SLC38A6: variants seen among roughly 807,000 people sequenced by gnomAD.
The protein encoded by SLC38A6 is N system amino acid transporter NAT-1.
Under a neutral mutation model 65.0 loss-of-function variants are expected in SLC38A6, and 73 were observed. The observed-to-expected ratio is 1.12, with a 90% CI of 0.93 to 1.37. SLC38A6 has a LOEUF of 1.37. SLC38A6 is among the 40% of genes most tolerant of loss of function. SLC38A6 has a pLI of 0.00. For synonymous variants in SLC38A6, 183 were observed against 178.8 expected (o/e 1.02, Z -0.19); for missense variants, 561 against 531.1 (o/e 1.06, Z -0.55).
intron 15 of SLC38A6, chr14:61,074,058 A>G (rs944623138): frequency 2.0e-5 from 3 of 152,222 alleles, no homozygotes; most frequent in Non-Finnish European, 4.4e-5. Flanking sequence ...GTGTTAATCA[A>G]CTGTTATTGG....
At chr14:61,047,974 G>GATAC (rs201975441) in intron 12 of SLC38A6, among the ~76,000 whole-genome samples, 26 of 77,124 alleles carry the variant, frequency 3.4e-4, no homozygotes, top group South Asian at 1.3e-3. Flanking sequence ...TAGATAGATA[G>GATAC]ATACATACAT....
chr14:60,981,742 C>T lies in SLC38A6; in HGVS notation c.105+360C>T. On this transcript the variant is annotated intron_variant, in intron 1 of 15. Coordinates refer to ENST00000267488, the MANE Select transcript of SLC38A6 (RefSeq NM_153811.3). ...CTCCACCAGTCTCGTGAGGTCTTTG[C>T]AAGAGTCACAGGATTTTCCTCTTCC... 3 of 1,295,132 alleles carry T rather than the reference C, an allele frequency of 2.3e-6. No individual in the cohort carries two copies. In the South Asian group the frequency reaches 3.7e-5, roughly 16 times the overall value. 80.2% of individuals were successfully genotyped at this position (1,295,132 alleles called of 1,614,324 possible).
At chr14:60,995,299 G>T (rs2038209747) in intron 3 of SLC38A6, among the ~76,000 whole-genome samples, 2 of 152,188 alleles carry the variant, frequency 1.3e-5, no homozygotes, top group African/African-American at 4.8e-5. Flanking sequence ...GACTTAAGGA[G>T]ATCCTGCCAT....
intron 3 of SLC38A6, among the ~76,000 whole-genome samples, chr14:61,009,275 T>C (rs1256795039): frequency 6.6e-6 from 1 of 152,118 alleles, no homozygotes; most frequent in Non-Finnish European, 1.5e-5. Flanking sequence ...TACAGAGAGA[T>C]GTCAGATAGC....
intron 5 of SLC38A6, among the ~76,000 whole-genome samples, chr14:61,021,915 G>A (rs1351114212): frequency 6.6e-6 from 1 of 152,004 alleles, no homozygotes; most frequent in Non-Finnish European, 1.5e-5. Flanking sequence ...ACACTAGATT[G>A]GAAGTCAGAT....
At chr14:61,026,315 C>G (rs2040608578) in intron 5 of SLC38A6, among the ~76,000 whole-genome samples, 1 of 151,996 alleles carries the variant, frequency 6.6e-6, no homozygotes, top group African/African-American at 2.4e-5. Context: ...TAGGAAACTT[C>G]CTCTTCAGAA....
chr14:61,028,523 TAA>T (rs2040739124), intron 5 of SLC38A6, among the ~76,000 whole-genome samples: 1 of 152,168 alleles, frequency 6.6e-6, no homozygotes, highest in Admixed American at 6.6e-5. Flanking sequence ...AAGGTTAGTC[TAA>T]ACCTTCCTTC....
At chr14:60,982,477 A>G in intron 1 of SLC38A6, 31 bp from the exon 2 acceptor site, 2 of 1,595,500 alleles carry the variant, frequency 1.3e-6, no homozygotes, top group African/African-American at 2.7e-5. Context: ...CCGTCCAAAC[A>G]TTTAACACTA....
chr14:61,013,228 G>A (rs558394626), intron 3 of SLC38A6, among the ~76,000 whole-genome samples: 100 of 151,482 alleles, frequency 6.6e-4, no homozygotes, highest in East Asian at 5.4e-3. Flanking sequence ...TTTGTTTTCC[G>A]TTTGCTTGGT....
At chr14:61,078,760 ATTTTTAT>A (rs2043524405) in intron 15 of SLC38A6, 5 of 172,534 alleles carry the variant, frequency 2.9e-5, no homozygotes, top group Non-Finnish European at 5.7e-5. Flanking sequence ...TAATTTATTT[ATTTTTAT>A]TTTTTATTTT....
At chr14:61,072,568 G>A (rs1196700179) in intron 15 of SLC38A6, among the ~76,000 whole-genome samples, 1 of 152,118 alleles carries the variant, frequency 6.6e-6, no homozygotes, top group African/African-American at 2.4e-5. Flanking sequence ...CTTCTGCTCT[G>A]TATGTCCATG....
chr14:61,063,911 C>A (rs1402547890), intron 15 of SLC38A6, among the ~76,000 whole-genome samples: 1 of 152,170 alleles, frequency 6.6e-6, no homozygotes, highest in Non-Finnish European at 1.5e-5. Context: ...TAGGTGCAGA[C>A]CAAAACAGAC....
intron 3 of SLC38A6, among the ~76,000 whole-genome samples, chr14:61,005,117 G>A (rs886916374): frequency 6.6e-6 from 1 of 152,120 alleles, no homozygotes; most frequent in East Asian, 1.9e-4. Context: ...TGCAGAAAAG[G>A]CCTTTGACAA....
At chr14:61,068,991 A>T (rs2043127997) in intron 15 of SLC38A6, among the ~76,000 whole-genome samples, 1 of 152,128 alleles carries the variant, frequency 6.6e-6, no homozygotes, top group East Asian at 1.9e-4. Context: ...TCTAAATCTC[A>T]GCCTTCATCT....
chr14:60,992,376 G>A (rs758910071), intron 3 of SLC38A6, among the ~76,000 whole-genome samples: 16 of 152,016 alleles, frequency 1.1e-4, no homozygotes, highest in Non-Finnish European at 1.9e-4. Context: ...CCTTCACCTC[G>A]TACATTCACC....
chr14:61,081,107 C>T (rs1256857425), intron 16 of SLC38A6, among the ~76,000 whole-genome samples: 1 of 121,964 alleles, frequency 8.2e-6, no homozygotes, highest in Non-Finnish European at 1.9e-5. Flanking sequence ...CAGATCTGCA[C>T]CTCTGGAGCC....
At chr14:61,075,390 G>A (rs1271661302) in intron 15 of SLC38A6, among the ~76,000 whole-genome samples, 4 of 152,110 alleles carry the variant, frequency 2.6e-5, no homozygotes, top group African/African-American at 9.7e-5. Context: ...GGCAGAGATG[G>A]CCAAGAAAAA....
At chr14:60,997,234 CTCCCACCTCAGCCTCCTGAGTAGCT>C (rs1487696332) in intron 3 of SLC38A6, among the ~76,000 whole-genome samples, 10 of 152,204 alleles carry the variant, frequency 6.6e-5, no homozygotes, top group African/African-American at 1.4e-4. Context: ...TCAAGTGATC[CTCCCACCTCAGCCTCCTGAGTAGCT>C]TCCCACCTCA....
At chr14:61,028,602 A>G (rs538985240) in intron 5 of SLC38A6, among the ~76,000 whole-genome samples, 23 of 152,314 alleles carry the variant, frequency 1.5e-4, no homozygotes, top group Middle Eastern at 3.4e-3. Flanking sequence ...ACATTTTCAC[A>G]TACAATCAGT....
Sources: gnomAD v4.1 joint callset for allele counts (sites outside exome capture counted in the v4.1 genomes callset) on GRCh38, gnomAD v4.1.1 for gene constraint, MANE v1.5 for transcripts, NCBI Gene and HGNC (gene_info 2026-07-23, HGNC 2026-07-21) for gene names.